DAB2IP: variants seen among roughly 807,000 people sequenced by gnomAD.
The protein encoded by DAB2IP is DAB2 interacting protein.
Under a neutral mutation model 107.2 loss-of-function variants are expected in DAB2IP, and 28 were observed. That is an observed-to-expected ratio of 0.26 (90% CI 0.19 to 0.36). DAB2IP has a LOEUF of 0.36. DAB2IP is among the 10% of genes least tolerant of loss of function. The pLI, the probability that DAB2IP is intolerant of heterozygous loss-of-function variation, is 1.00. For synonymous variants in DAB2IP, 755 were observed against 706.4 expected (o/e 1.07, Z -1.09); for missense variants, 1,400 against 1,644.7 (o/e 0.85, Z 2.57).
At chr9:121,719,185 G>A (rs1225863242) in intron 3 of DAB2IP, among the ~76,000 whole-genome samples, 1 of 152,216 alleles carries the variant, frequency 6.6e-6, no homozygotes, top group Non-Finnish European at 1.5e-5. Context: ...AGGATGAGAA[G>A]TCATAGTGAT....
chr9:121,708,260 T>C (rs1192654520), intron 3 of DAB2IP, among the ~76,000 whole-genome samples: 3 of 152,162 alleles, frequency 2.0e-5, no homozygotes, highest in African/African-American at 7.2e-5. Context: ...GATGTGTGAG[T>C]GGCCCAAAGT....
chr9:121,735,405 C>T (rs1831825582), intron 3 of DAB2IP, among the ~76,000 whole-genome samples: 1 of 152,216 alleles, frequency 6.6e-6, no homozygotes, highest in Non-Finnish European at 1.5e-5. Context: ...AGACAGTATC[C>T]TGCCTGCCTG....
At chr9:121,729,076 C>T (rs981137368) in intron 3 of DAB2IP, among the ~76,000 whole-genome samples, 5 of 152,178 alleles carry the variant, frequency 3.3e-5, no homozygotes, top group African/African-American at 9.7e-5. Context: ...CTGTGCCAGG[C>T]TTCCTCCCAG....
In DAB2IP at chr9:121,782,726, A is replaced by G. The variant is rs375033145; in HGVS notation, c.*228A>G. 1 of 1,393,030 alleles carries G rather than the reference A, an allele frequency of 7.2e-7. No homozygotes were observed. The highest frequency in any genetic ancestry group is 9.3e-7 in the Non-Finnish European group (1 of 1,074,706). The allele number at this position is 1,393,030 out of a possible 1,614,324, so 86.3% of individuals were successfully genotyped here. A position where few individuals can be genotyped will look rare whatever the true frequency, so the allele number is the denominator to read the frequency against. On this transcript the variant is annotated 3_prime_UTR_variant, in exon 16 of 16. Transcript: ENST00000408936. This position sits in a 1 kb window ranked among gnomAD's most constrained non-coding sequence, Gnocchi z 6.1. ...GCTCCCTGTGGGGTGCGGGCAGAAG[A>G]GACTGCACGCTGGGGAGTGGGGACA...
chr9:121,714,474 C>T lies in DAB2IP; in HGVS notation c.362+15016C>T, dbSNP rs561356256. Among the ~76,000 whole-genome samples the T allele has an allele frequency of 7.9e-5, 12 of 152,282 alleles. No homozygotes were observed. The South Asian group carries it at 1.9e-3, about 24-fold the overall frequency. ...AGGGAGACAGGCAGGCAGCTATTGG[C>T]GCTGTGAGCCTCCCTTTTAGGGCGG... On this transcript the variant is annotated intron_variant, in intron 3 of 15. Transcript: ENST00000408936.
At chr9:121,618,658 G>A (rs1053845491) in intron 1 of DAB2IP, among the ~76,000 whole-genome samples, 1 of 152,180 alleles carries the variant, frequency 6.6e-6, no homozygotes, top group East Asian at 1.9e-4. Flanking sequence ...AAATTCAATG[G>A]ATTTTTGTAG....
chr9:121,612,293 C>T (rs552495436), intron 1 of DAB2IP, among the ~76,000 whole-genome samples: 1 of 152,088 alleles, frequency 6.6e-6, no homozygotes, highest in South Asian at 2.1e-4. Context: ...TACCACTGCA[C>T]TCCCACTTTG....
chr9:121,591,521 C>G (rs768920888), intron 1 of DAB2IP, among the ~76,000 whole-genome samples: 2 of 152,068 alleles, frequency 1.3e-5, no homozygotes, highest in African/African-American at 2.4e-5. Flanking sequence ...ACCTGACCAC[C>G]CAGGATCTTG....
chr9:121,757,680 G>T (rs1201109858), intron 4 of DAB2IP, among the ~76,000 whole-genome samples: 1 of 152,076 alleles, frequency 6.6e-6, no homozygotes, highest in East Asian at 1.9e-4. Context: ...GGAAATGGGG[G>T]ATCTGAGGCC....
chr9:121,720,582 C>T (rs1308966989), intron 3 of DAB2IP, among the ~76,000 whole-genome samples: 1 of 152,168 alleles, frequency 6.6e-6, no homozygotes, highest in African/African-American at 2.4e-5. Context: ...AGGGGCAGAA[C>T]CAGCCCCAGC....
chr9:121,658,427 A>AG (rs1405724544), intron 1 of DAB2IP, among the ~76,000 whole-genome samples: 1 of 151,874 alleles, frequency 6.6e-6, no homozygotes, highest in Non-Finnish European at 1.5e-5. Flanking sequence ...TGCAGGGAGG[A>AG]GGGGTTTGAG....
At chr9:121,716,863 G>A (rs984915286) in intron 3 of DAB2IP, among the ~76,000 whole-genome samples, 1 of 152,208 alleles carries the variant, frequency 6.6e-6, no homozygotes, top group Non-Finnish European at 1.5e-5. Flanking sequence ...CACTCTTCCC[G>A]CTAAGTCAAA....
At chr9:121,650,448 G>A (rs534218385), upstream of DAB2IP, among the ~76,000 whole-genome samples, 18 of 152,304 alleles carry the variant, frequency 1.2e-4, no homozygotes, top group Middle Eastern at 3.4e-3. Flanking sequence ...CCACTCCAGG[G>A]CCCCACCTTC....
chr9:121,621,698 C>T (rs1350417384), intron 1 of DAB2IP, among the ~76,000 whole-genome samples: 1 of 146,566 alleles, frequency 6.8e-6, no homozygotes, highest in Non-Finnish European at 1.5e-5. Context: ...TGCAATGACA[C>T]AATCTTGGCT....
intron 3 of DAB2IP, among the ~76,000 whole-genome samples, chr9:121,738,691 G>T (rs561946528): frequency 1.1e-4 from 17 of 152,240 alleles, no homozygotes; most frequent in Non-Finnish European, 2.4e-4. Flanking sequence ...GGTCCCCAGG[G>T]TTAGGGAGAG....
Position 121,735,096 on chromosome 9 carries a change from C to G in DAB2IP, c.363-21917C>G, listed in dbSNP as rs374220783. Among the ~76,000 whole-genome samples the G allele has an allele frequency of 5.9e-5, 9 of 152,336 alleles. No homozygotes were observed. The East Asian group carries it at 1.7e-3, about 29-fold the overall frequency. ...AAATTTTATTAAGACATTGGATAAA[C>G]AGATGACAGCTCTGAGGGAAAACTT... On this transcript the variant is annotated intron_variant, in intron 3 of 15. Coordinates refer to ENST00000408936, the Ensembl canonical transcript of DAB2IP.
chr9:121,666,867 AACACACACACACACACACACACAC>A (rs59290421), intron 1 of DAB2IP, among the ~76,000 whole-genome samples: 1 of 128,592 alleles, frequency 7.8e-6, no homozygotes, highest in African/African-American at 3.2e-5. Flanking sequence ...CCCCAGCCCC[AACACACACACACACACACACACAC>A]ACACACACAC....
chr9:121,642,615 TAAAAAAAAAA>T (rs397893249), intron 1 of DAB2IP, among the ~76,000 whole-genome samples: 3 of 123,960 alleles, frequency 2.4e-5, no homozygotes. Flanking sequence ...TCTTTTCTAT[TAAAAAAAAAA>T]AAAAAAAAAA....
intron 2 of DAB2IP, among the ~76,000 whole-genome samples, chr9:121,696,320 C>T (rs1829427661): frequency 6.6e-6 from 1 of 152,200 alleles, no homozygotes. Context: ...TGTCAGTGGG[C>T]TCCACTGCGG....
Sources: gnomAD v4.1 joint callset for allele counts (sites outside exome capture counted in the v4.1 genomes callset) on GRCh38, gnomAD v4.1.1 for gene constraint, Gnocchi (gnomAD v3.1) non-coding constraint, MANE v1.5 for transcripts, NCBI Gene and HGNC (gene_info 2026-07-23, HGNC 2026-07-21) for gene names.